The following USP46 variants were observed in gnomAD, a reference collection of about 807,000 sequenced individuals.
USP46 encodes ubiquitin specific peptidase 46, also known as ubiquitin carboxyl-terminal hydrolase 46.
USP46 carries 12 observed loss-of-function variants against 44.4 expected under a neutral mutation model. The ratio of observed to expected loss-of-function variants is 0.27; its 90% CI spans 0.17 to 0.44. The LOEUF (loss-of-function observed/expected upper bound fraction) is 0.44, where lower values mean the gene tolerates loss of function less well. Ranked by LOEUF, USP46 falls within the 20% of genes least tolerant of loss-of-function variation. The pLI, the probability that USP46 is intolerant of heterozygous loss-of-function variation, is 1.00. For missense variants in USP46, 248 were observed against 444.8 expected, an observed-to-expected ratio of 0.56 and a Z score of 3.98; for synonymous variants, 155 against 161.5, an observed-to-expected ratio of 0.96 and a Z score of 0.31.
At chr4:52,647,058 T>G (rs1261115228) in intron 1 of USP46, among the ~76,000 whole-genome samples, 1 of 152,218 alleles carries the variant, frequency 6.6e-6, no homozygotes, top group Non-Finnish European at 1.5e-5. Flanking sequence ...AACCGAAGAC[T>G]AGAAAACTAC....
At chr4:52,636,436 G>A (rs1272820465) in intron 1 of USP46, among the ~76,000 whole-genome samples, 6 of 152,174 alleles carry the variant, frequency 3.9e-5, no homozygotes, top group African/African-American at 1.4e-4. Context: ...GGCCAGGCGC[G>A]GTGGCTCACG....
intron 4 of USP46, among the ~76,000 whole-genome samples, chr4:52,623,432 C>T (rs1432579785): frequency 2.0e-5 from 3 of 151,552 alleles, no homozygotes; most frequent in Admixed American, 6.6e-5. Context: ...AGACAGAGGG[C>T]GATAAAGTAT....
intron 4 of USP46, 120 bp downstream of exon 4, chr4:52,625,898 G>T: frequency 9.8e-7 from 1 of 1,015,264 alleles, no homozygotes; most frequent in Non-Finnish European, 1.4e-6. Context: ...GCATAAATAG[G>T]ATTATTTACA....
intron 4 of USP46, among the ~76,000 whole-genome samples, chr4:52,616,047 A>G (rs894421464): frequency 1.3e-5 from 2 of 152,236 alleles, no homozygotes; most frequent in Non-Finnish European, 2.9e-5. Flanking sequence ...AACTTTATCA[A>G]CCAACATATC....
chr4:52,632,956 G>GAAAGAA (rs1717918535), intron 1 of USP46, among the ~76,000 whole-genome samples: 1 of 71,650 alleles, frequency 1.4e-5, no homozygotes, highest in Admixed American at 1.4e-4. Flanking sequence ...AAGAAAGAAA[G>GAAAGAA]AAAGAAAGAA....
At chr4:52,628,616 C>T (rs1340533360) in intron 2 of USP46, among the ~76,000 whole-genome samples, 1 of 152,186 alleles carries the variant, frequency 6.6e-6, no homozygotes, top group African/African-American at 2.4e-5. Context: ...TAATTAGGAA[C>T]CACTTGCTCG....
At chr4:52,652,246 C>G (rs757214582) in intron 1 of USP46, among the ~76,000 whole-genome samples, 24 of 152,196 alleles carry the variant, frequency 1.6e-4, no homozygotes, top group Non-Finnish European at 2.8e-4. Context: ...TATCAAATAT[C>G]TGCAAACATG....
chr4:52,619,317 AAAAG>A (rs1347893772), intron 4 of USP46, among the ~76,000 whole-genome samples: 2 of 152,210 alleles, frequency 1.3e-5, no homozygotes, highest in African/African-American at 4.8e-5. Context: ...AAAAAAAAGA[AAAAG>A]AAAATCATTG....
chr4:52,653,495 CAAAAAAAA>C (rs397880678), intron 1 of USP46, among the ~76,000 whole-genome samples: 4 of 53,014 alleles, frequency 7.5e-5, no homozygotes, highest in African/African-American at 2.1e-4. Context: ...AACTCTATCT[CAAAAAAAA>C]AAAAAAAAAA....
At chr4:52,636,181 A>C (rs1718109306) in intron 1 of USP46, among the ~76,000 whole-genome samples, 6 of 152,156 alleles carry the variant, frequency 3.9e-5, no homozygotes, top group Admixed American at 3.9e-4. Context: ...AGAAGAGATC[A>C]GAGTGAGGCA....
intron 5 of USP46, among the ~76,000 whole-genome samples, chr4:52,608,436 C>A (rs1472362239): frequency 2.0e-5 from 3 of 152,250 alleles, no homozygotes; most frequent in Non-Finnish European, 4.4e-5. Context: ...GACGAGGCTG[C>A]GCCTATGGCT....
intron 1 of USP46, among the ~76,000 whole-genome samples, chr4:52,644,379 C>G (rs1291177005): frequency 6.6e-6 from 1 of 152,158 alleles, no homozygotes; most frequent in Non-Finnish European, 1.5e-5. Context: ...CACAGCATGA[C>G]AACATGTCAC....
intron 1 of USP46, among the ~76,000 whole-genome samples, chr4:52,642,914 A>G (rs2109656802): frequency 6.6e-6 from 1 of 152,336 alleles, no homozygotes; most frequent in Non-Finnish European, 1.5e-5. Context: ...ACAATAATAT[A>G]ACAAAAACAA....
chr4:52,598,429 C>T (rs1716329272), intron 8 of USP46, 199 bp downstream of exon 8: 1 of 576,388 alleles, frequency 1.7e-6, no homozygotes, highest in Non-Finnish European at 3.1e-6. Context: ...AACACAGCGT[C>T]AGTGAGTCCA....
At position 52,622,389 on chromosome 4, in the gene USP46, A is replaced by G. The variant is rs143697383; in HGVS notation, c.561+3629T>C. On this transcript the variant is annotated intron_variant, in intron 4 of 8. Transcript: ENST00000441222. ...AAATAATTTCAAGACTTACCAGTCT[A>G]GACCAGGCTTTACTATAAATCATTC... Among the ~76,000 whole-genome samples the G allele has an allele frequency of 3.6e-3, 545 of 152,352 alleles. 1 individual carries two copies. Among genetic ancestry groups the G allele is most frequent in the Middle Eastern group, 0.01 (3 of 294 alleles).
chr4:52,602,191 G>T, intron 6 of USP46, 137 bp from the exon 7 acceptor site: 1 of 965,060 alleles, frequency 1.0e-6, no homozygotes. Flanking sequence ...AGTTTGCAAG[G>T]ATAAAAGTAT....
chr4:52,631,420 GAACA>G (rs1329983149), intron 1 of USP46, among the ~76,000 whole-genome samples: 3 of 152,176 alleles, frequency 2.0e-5, no homozygotes, highest in African/African-American at 7.2e-5. Context: ...ACAGGCAAAT[GAACA>G]AACAATCGCC....
At chr4:52,607,506 G>C in intron 5 of USP46, among the ~76,000 whole-genome samples, 1 of 152,210 alleles carries the variant, frequency 6.6e-6, no homozygotes. Flanking sequence ...GCTTTAAAAA[G>C]AGGCAGAGCA....
At chr4:52,606,757 G>A (rs1337778091) in intron 5 of USP46, among the ~76,000 whole-genome samples, 2 of 152,178 alleles carry the variant, frequency 1.3e-5, no homozygotes, top group African/African-American at 4.8e-5. Context: ...ACATAATCAG[G>A]TAGTGCTTTT....
Sources: allele counts gnomAD v4.1 joint callset (sites outside exome capture counted in the v4.1 genomes callset), GRCh38; gene constraint gnomAD v4.1.1; transcripts MANE v1.5; gene names NCBI Gene and HGNC (gene_info 2026-07-23, HGNC 2026-07-21).